PSPC1: variants seen among roughly 807,000 people sequenced by gnomAD.
PSPC1 encodes paraspeckle protein 1.
A neutral mutation model predicts 51.6 loss-of-function variants in PSPC1; 14 were observed. The ratio of observed to expected loss-of-function variants is 0.27; its 90% CI spans 0.18 to 0.42. The LOEUF is 0.42. Ranked by LOEUF, PSPC1 falls within the 10% of genes least tolerant of loss-of-function variation. The pLI, the probability that PSPC1 is intolerant of heterozygous loss-of-function variation, is 1.00. For missense variants in PSPC1, 406 were observed against 701.1 expected (o/e 0.58, Z 4.75); for synonymous variants, 193 against 231.9 (o/e 0.83, Z 1.53).
Position 19,772,332 on chromosome 13 carries a change from G to T in PSPC1, c.584C>A (p.Ala195Asp). 6.2e-7 allele frequency: 1 copy of T among 1,614,210 alleles called. No individual in the cohort carries two copies. Among genetic ancestry groups the T allele is most frequent in the South Asian group, 1.1e-5 (1 of 91,088 alleles). ...AVVVVDDRGRATGKGFVEFAA... is the reference protein window; with the variant it reads ...AVVVVDDRGRDTGKGFVEFAA... Reference sequence around the variant, plus strand: ...AAACTCTACAAAACCTTTTCCTGTAGCTCTACCGCGATCATCCACAACCAC... The same window carrying T: ...AAACTCTACAAAACCTTTTCCTGTATCTCTACCGCGATCATCCACAACCAC... Residue 195 changes from alanine (A) to aspartate (D), a missense_variant, in exon 2 of 9, where the codon GCT (alanine) becomes GAT (aspartate). Physicochemically the swap from Ala to Asp is moderately radical, Grantham distance 126 (BLOSUM62 -2). Around this residue, in one of 5 missense-constraint regions of PSPC1, gnomAD observed 180 missense variants for 337.9 expected, o/e 0.53. Transcript: ENST00000338910.
At chr13:19,707,409 C>A (rs1056227006) in intron 7 of PSPC1, among the ~76,000 whole-genome samples, 3 of 152,260 alleles carry the variant, frequency 2.0e-5, no homozygotes, top group African/African-American at 7.2e-5. Context: ...ATGTAGGTTT[C>A]GTTTGGTTAT....
intron 6 of PSPC1, among the ~76,000 whole-genome samples, chr13:19,681,534 T>C (rs1877267739): frequency 6.6e-6 from 1 of 152,194 alleles, no homozygotes; most frequent in Non-Finnish European, 1.5e-5. Context: ...AGAAACAGGA[T>C]TTTAACAATG....
At chr13:19,675,836 T>C (rs1876576465) in intron 7 of PSPC1, 1 of 152,218 alleles carries the variant, frequency 6.6e-6, no homozygotes, top group South Asian at 2.1e-4. Context: ...GAAATGGCAA[T>C]TTCTTAACTC....
At chr13:19,719,667 T>C (rs1882535198) in intron 6 of PSPC1, among the ~76,000 whole-genome samples, 1 of 152,246 alleles carries the variant, frequency 6.6e-6, no homozygotes, top group African/African-American at 2.4e-5. Flanking sequence ...ATTGAGTGAA[T>C]AGATTGCTCT....
chr13:19,776,393 G>A (rs1314457128), intron 1 of PSPC1, among the ~76,000 whole-genome samples: 1 of 152,138 alleles, frequency 6.6e-6, no homozygotes, highest in Non-Finnish European at 1.5e-5. Flanking sequence ...TTCAGCCCCG[G>A]AAGTGGAGGC....
Position 19,768,618 on chromosome 13 carries a change from A to G in PSPC1, c.674+3624T>C, listed in dbSNP as rs572278260. ...AGCCGAGATCACGCCACTGCACTCC[A>G]GGCTGGGCAACAGAGCAAGACTCTG... is the stretch of plus-strand genomic sequence containing the variant. On this transcript the variant is annotated intron_variant, in intron 2 of 8. Coordinates refer to ENST00000338910, the MANE Select transcript of PSPC1 (RefSeq NM_001354909.2). Among the ~76,000 whole-genome samples the G allele has an allele frequency of 3.5e-4, 53 of 150,846 alleles. 2 individuals carry two copies. Among genetic ancestry groups the G allele is most frequent in the Non-Finnish European group, 7.1e-4 (48 of 67,790 alleles).
chr13:19,724,595 C>T (rs1883137476), intron 6 of PSPC1, among the ~76,000 whole-genome samples: 1 of 149,144 alleles, frequency 6.7e-6, no homozygotes, highest in African/African-American at 2.5e-5. Context: ...TGGCTCACAC[C>T]TGTAATCCCA....
At chr13:19,680,892 C>T (rs1309851791) in intron 6 of PSPC1, among the ~76,000 whole-genome samples, 1 of 152,148 alleles carries the variant, frequency 6.6e-6, no homozygotes, top group East Asian at 1.9e-4. Context: ...GTCAATACCA[C>T]ACATACTTTT....
chr13:19,694,696 C>T (rs1321208365), intron 6 of PSPC1, among the ~76,000 whole-genome samples: 1 of 152,144 alleles, frequency 6.6e-6, no homozygotes, highest in Non-Finnish European at 1.5e-5. Context: ...AACTTTAGTT[C>T]CTCATCTCAC....
At chr13:19,762,135 AGAG>A (rs972091474) in intron 2 of PSPC1, among the ~76,000 whole-genome samples, 9 of 152,200 alleles carry the variant, frequency 5.9e-5, no homozygotes, top group Admixed American at 1.3e-4. Context: ...ACAGTGCGGG[AGAG>A]GAGAAGTACA....
intron 5 of PSPC1, among the ~76,000 whole-genome samples, 165 bp downstream of exon 5, chr13:19,741,400 G>A (rs1444416764): frequency 6.6e-6 from 1 of 152,088 alleles, no homozygotes; most frequent in Non-Finnish European, 1.5e-5. Context: ...CTAAAAACCA[G>A]CAAAGAATTA....
Position 19,706,958 on chromosome 13 carries a change from G to A in PSPC1, c.1217-1127C>T, listed in dbSNP as rs181635473. 3.8e-3 allele frequency among the ~76,000 whole-genome samples: 583 copies of A among 152,186 alleles called. 5 individuals carry two copies. Among genetic ancestry groups the A allele is most frequent in the Middle Eastern group, 0.02 (6 of 294 alleles). ...TCCTTCATCCCCAAATGCTCTTGCC[G>A]ATAAACAGACTTTAACCAAGAATAT... On this transcript the variant is annotated intron_variant, in intron 7 of 8. Coordinates refer to ENST00000338910, the MANE Select transcript of PSPC1 (RefSeq NM_001354909.2).
At chr13:19,718,985 C>T (rs1312719322) in intron 6 of PSPC1, among the ~76,000 whole-genome samples, 1 of 152,008 alleles carries the variant, frequency 6.6e-6, no homozygotes, top group Admixed American at 6.6e-5. Context: ...GATAGAGAAG[C>T]AGAGCACAGA....
rs184187738 is a variant in PSPC1 at position 19,740,058 on chromosome 13, T to C, written c.1052+1507A>G. Among the ~76,000 whole-genome samples the C allele has an allele frequency of 6.3e-3, 952 of 151,552 alleles. 7 individuals are homozygous for C. Among genetic ancestry groups the C allele is most frequent in the Non-Finnish European group, 8.6e-3 (581 of 67,822 alleles). On this transcript the variant is annotated intron_variant, in intron 5 of 8. Transcript: ENST00000338910. ...CCAGGGAATATGATTTAAGAATGAA[T>C]TGGGGCCGGGCACGGTGGCTCACGC...
chr13:19,737,467 A>G (rs1884968193), intron 5 of PSPC1, among the ~76,000 whole-genome samples: 1 of 152,218 alleles, frequency 6.6e-6, no homozygotes, highest in Non-Finnish European at 1.5e-5. Context: ...CATATCTGGT[A>G]AGAATATCAC....
At chr13:19,766,969 T>C (rs1888136596) in intron 2 of PSPC1, among the ~76,000 whole-genome samples, 1 of 146,008 alleles carries the variant, frequency 6.8e-6, no homozygotes, top group Non-Finnish European at 1.5e-5. Flanking sequence ...AGCTCAGGAG[T>C]TGAAGACCAG....
At chr13:19,776,865 C>A (rs1007229149) in intron 1 of PSPC1, among the ~76,000 whole-genome samples, 2 of 151,162 alleles carry the variant, frequency 1.3e-5, no homozygotes, top group African/African-American at 4.8e-5. Flanking sequence ...GTGGCTCATG[C>A]CTGTAATCCC....
chr13:19,756,225 G>A (rs1442495859), intron 3 of PSPC1, among the ~76,000 whole-genome samples: 6 of 152,082 alleles, frequency 3.9e-5, no homozygotes, highest in Non-Finnish European at 5.9e-5. Flanking sequence ...ATGACAAAGT[G>A]AGACTGTCTC....
At chr13:19,713,335 A>G (rs749556195) in intron 6 of PSPC1, among the ~76,000 whole-genome samples, 2 of 152,116 alleles carry the variant, frequency 1.3e-5, no homozygotes, top group Non-Finnish European at 2.9e-5. Context: ...TATTGATTCA[A>G]CTCTATGAAG....
Sources: gnomAD v4.1 joint callset for allele counts (sites outside exome capture counted in the v4.1 genomes callset) on GRCh38, gnomAD v4.1.1 for gene constraint, gnomAD v4.1.1 regional missense constraint, MANE v1.5 for transcripts, NCBI Gene and HGNC (gene_info 2026-07-23, HGNC 2026-07-21) for gene names.